The following KCNJ6 variants were observed in gnomAD, a reference collection of about 807,000 sequenced individuals.
KCNJ6 encodes the protein G protein-activated inward rectifier potassium channel 2.
Under a neutral mutation model 34.2 loss-of-function variants are expected in KCNJ6, and 9 were observed. That is an observed-to-expected ratio of 0.26 (90% CI 0.16 to 0.46). KCNJ6 has a LOEUF of 0.46. Among genes scored for constraint, KCNJ6 ranks in the 20% least tolerant of loss-of-function variants. KCNJ6 has a pLI of 1.00. For synonymous variants in KCNJ6, 196 were observed against 207.1 expected, an observed-to-expected ratio of 0.95 and a Z score of 0.46; for missense variants, 236 against 531.3, an observed-to-expected ratio of 0.44 and a Z score of 5.46.
chr21:37,824,843 A>G (rs1327966819), intron 2 of KCNJ6, among the ~76,000 whole-genome samples: 2 of 151,752 alleles, frequency 1.3e-5, no homozygotes, highest in African/African-American at 4.8e-5. Context: ...TTCAGGTAGT[A>G]TCTTTATAGC....
intron 2 of KCNJ6, among the ~76,000 whole-genome samples, chr21:37,761,428 GTGT>G (rs994763763): frequency 4.0e-4 from 61 of 150,800 alleles, no homozygotes; most frequent in African/African-American, 1.4e-3. Context: ...TGTGTGTGTT[GTGT>G]TGTGTGTGTA....
chr21:37,893,654 C>A (rs916210070), intron 1 of KCNJ6, among the ~76,000 whole-genome samples: 1 of 150,094 alleles, frequency 6.7e-6, no homozygotes, highest in African/African-American at 2.5e-5. Flanking sequence ...TTTTCCTCTG[C>A]CTTTCCTTAT....
At chr21:37,820,918 T>A (rs2055370253) in intron 2 of KCNJ6, among the ~76,000 whole-genome samples, 1 of 152,222 alleles carries the variant, frequency 6.6e-6, no homozygotes, top group African/African-American at 2.4e-5. Context: ...AATAACCCTC[T>A]GTGTTCAATA....
chr21:37,648,173 G>A (rs576531058), intron 3 of KCNJ6, among the ~76,000 whole-genome samples: 140 of 151,046 alleles, frequency 9.3e-4, no homozygotes, highest in African/African-American at 3.3e-3. Context: ...GCATGCAGGT[G>A]TAAAACGGGG....
chr21:37,799,529 C>T (rs116810842), intron 2 of KCNJ6, among the ~76,000 whole-genome samples: 2,592 of 152,254 alleles, frequency 0.017, 75 homozygotes, highest in African/African-American at 0.056. Context: ...TATGGGTCAA[C>T]AGGCAAGAGC....
chr21:37,870,164 A>G (rs2055643066), intron 1 of KCNJ6, among the ~76,000 whole-genome samples: 1 of 152,146 alleles, frequency 6.6e-6, no homozygotes, highest in South Asian at 2.1e-4. Context: ...ATGCTCATGT[A>G]TGTTGCAATG....
intron 2 of KCNJ6, among the ~76,000 whole-genome samples, chr21:37,780,660 A>C (rs1462713092): frequency 6.6e-6 from 1 of 152,204 alleles, no homozygotes. Flanking sequence ...TCTTCTTAAA[A>C]ATAAAGTTTA....
chr21:37,773,546 C>T (rs116423764), intron 2 of KCNJ6, among the ~76,000 whole-genome samples: 136 of 152,184 alleles, frequency 8.9e-4, no homozygotes, highest in Middle Eastern at 3.4e-3. Context: ...CACATAATTG[C>T]GCATCCATGT....
At chr21:37,855,342 G>A (rs943024553) in intron 1 of KCNJ6, among the ~76,000 whole-genome samples, 9 of 152,140 alleles carry the variant, frequency 5.9e-5, no homozygotes, top group East Asian at 3.9e-4. Context: ...GAAAAGGGAG[G>A]AATGGACTCT....
At chr21:37,671,309 A>C (rs2054541298) in intron 3 of KCNJ6, among the ~76,000 whole-genome samples, 1 of 152,214 alleles carries the variant, frequency 6.6e-6, no homozygotes, top group African/African-American at 2.4e-5. Context: ...TCCATAGAAA[A>C]GCAAAAGGAC....
At chr21:37,649,105 C>T (rs1278668856) in intron 3 of KCNJ6, among the ~76,000 whole-genome samples, 1 of 133,482 alleles carries the variant, frequency 7.5e-6, no homozygotes, top group African/African-American at 3.0e-5. Context: ...TGCACTCCAG[C>T]CTGGGTGACA....
intron 2 of KCNJ6, among the ~76,000 whole-genome samples, chr21:37,733,323 G>A (rs67336869): frequency 0.095 from 14,052 of 148,144 alleles, 1,041 homozygotes; most frequent in East Asian, 0.35. Flanking sequence ...GAAATCTGCC[G>A]TTGGTATTTC....
chr21:37,803,764 G>A (rs1477123043), intron 2 of KCNJ6, among the ~76,000 whole-genome samples: 1 of 152,162 alleles, frequency 6.6e-6, no homozygotes, highest in Non-Finnish European at 1.5e-5. Flanking sequence ...TCCACATGAA[G>A]AAATAACACT....
chr21:37,747,605 C>G (rs78060011), intron 2 of KCNJ6, among the ~76,000 whole-genome samples: 11,243 of 152,052 alleles, frequency 0.074, 448 homozygotes, highest in African/African-American at 0.093. Context: ...AGTGTCATCA[C>G]AAGAGTCCTT....
intron 1 of KCNJ6, among the ~76,000 whole-genome samples, chr21:37,848,789 C>T (rs1043247955): frequency 5.3e-5 from 8 of 152,174 alleles, no homozygotes; most frequent in Non-Finnish European, 1.0e-4. Context: ...TGATGGGTAG[C>T]AGAGATAAGA....
At chr21:37,845,656 T>G (rs1299621765) in intron 1 of KCNJ6, among the ~76,000 whole-genome samples, 2 of 152,226 alleles carry the variant, frequency 1.3e-5, no homozygotes, top group Admixed American at 1.3e-4. Context: ...TTGGCTACTG[T>G]GTGGGGACCC....
chr21:37,899,378 G>A (rs1442770713), intron 1 of KCNJ6, among the ~76,000 whole-genome samples: 2 of 152,144 alleles, frequency 1.3e-5, no homozygotes, highest in African/African-American at 2.4e-5. Context: ...GATTGTTAAG[G>A]AAACTGTCCT....
chr21:37,702,291 G>A (rs1056183864), intron 3 of KCNJ6, among the ~76,000 whole-genome samples: 29 of 150,994 alleles, frequency 1.9e-4, no homozygotes, highest in South Asian at 4.2e-4. Flanking sequence ...CTTTGGTAGC[G>A]TGGTCATTAG....
At chr21:37,778,403 T>C (rs1451915509) in intron 2 of KCNJ6, among the ~76,000 whole-genome samples, 2 of 152,184 alleles carry the variant, frequency 1.3e-5, no homozygotes, top group African/African-American at 2.4e-5. Flanking sequence ...CTAGAGAACA[T>C]GGAAAGACAA....
Sources: allele counts gnomAD v4.1 joint callset (sites outside exome capture counted in the v4.1 genomes callset), GRCh38; gene constraint gnomAD v4.1.1; transcripts MANE v1.5; gene names NCBI Gene and HGNC (gene_info 2026-07-23, HGNC 2026-07-21).